Variants in MCM2 observed in about 807,000 individuals in gnomAD.
The protein encoded by MCM2 is DNA replication licensing factor MCM2.
In MCM2, 49 loss-of-function variants were observed where a neutral mutation model predicts 86.4. The observed-to-expected ratio is 0.57, with a 90% CI of 0.45 to 0.72. The LOEUF is 0.72. Ranked by LOEUF, MCM2 falls within the 30% of genes least tolerant of loss-of-function variation. MCM2 has a pLI of 0.00. For missense variants in MCM2, 1,038 were observed against 1,259.9 expected, an observed-to-expected ratio of 0.82 and a Z score of 2.67; for synonymous variants, 475 against 484.6, an observed-to-expected ratio of 0.98 and a Z score of 0.26.
intron 2 of MCM2, 62 bp downstream of exon 2, chr3:127,599,609 G>A (rs768595192): frequency 8.2e-6 from 12 of 1,468,104 alleles, no homozygotes; most frequent in East Asian, 2.3e-5. Flanking sequence ...TTGTGTGCCT[G>A]GTGGCCTGGC....
chr3:127,609,512 C>T (rs12633202), intron 8 of MCM2, among the ~76,000 whole-genome samples: 4,389 of 151,950 alleles, frequency 0.029, 155 homozygotes, highest in East Asian at 0.093. Context: ...GGTCTCACTA[C>T]GTTGTCCAGG....
intron 8 of MCM2, among the ~76,000 whole-genome samples, chr3:127,609,838 T>A (rs1429753876): frequency 5.7e-5 from 1 of 17,520 alleles, no homozygotes; most frequent in African/African-American, 1.4e-4. Flanking sequence ...GTCAACTTCC[T>A]TTTTTTTTTT....
At chr3:127,601,203 C>G (rs867729796) in intron 2 of MCM2, among the ~76,000 whole-genome samples, 2 of 152,166 alleles carry the variant, frequency 1.3e-5, no homozygotes, top group African/African-American at 4.8e-5. Flanking sequence ...TTTCTGTGTT[C>G]TTGCATGTGC....
At position 127,617,910 on chromosome 3, in the gene MCM2, T is replaced by C; in HGVS notation, c.1901-59T>C. 2 of 1,321,562 alleles carry C rather than the reference T, an allele frequency of 1.5e-6. No individual in the cohort carries two copies. Among genetic ancestry groups the C allele is most frequent in the Non-Finnish European group, 2.1e-6 (2 of 930,326 alleles). 81.9% of individuals were successfully genotyped at this position (1,321,562 alleles called of 1,614,324 possible). ...CTTCTGCCATCAGAGCAGCCTGGGG[T>C]CCCTGAGATGGGAGGATAGGGGAAT... On this transcript the variant is annotated intron_variant, in intron 11 of 15. Coordinates refer to ENST00000265056, the MANE Select transcript of MCM2 (RefSeq NM_004526.4). The surrounding 1 kb of genome is among the most constrained non-coding windows in gnomAD (Gnocchi z 4.1).
intron 2 of MCM2, among the ~76,000 whole-genome samples, chr3:127,602,530 A>C (rs982631945): frequency 5.3e-5 from 8 of 152,212 alleles, no homozygotes; most frequent in Non-Finnish European, 1.2e-4. Context: ...GACCATAGGC[A>C]AAAATCACAT....
chr3:127,617,755 C>T lies in MCM2; in HGVS notation c.1901-214C>T, dbSNP rs753806101. The T allele has an allele frequency of 1.7e-5, 10 of 591,504 alleles. No individual in the cohort carries two copies. The highest frequency in any genetic ancestry group is 2.7e-5 in the Non-Finnish European group (9 of 332,610). The allele number at this position is 591,504 out of a possible 1,614,324, so 36.6% of individuals were successfully genotyped here. ...CCCACTGTGTTCTTGGTTTTTCCTCCTGGGGAAGCAGTTATGCTTTCTGTC... is the reference window on the plus strand; with the variant it reads ...CCCACTGTGTTCTTGGTTTTTCCTCTTGGGGAAGCAGTTATGCTTTCTGTC... On this transcript the variant is annotated intron_variant, in intron 11 of 15. Transcript: ENST00000265056. The surrounding 1 kb of genome is among the most constrained non-coding windows in gnomAD (Gnocchi z 4.1).
At chr3:127,607,106 C>T (rs1182765179) in intron 6 of MCM2, among the ~76,000 whole-genome samples, 1 of 152,224 alleles carries the variant, frequency 6.6e-6, no homozygotes, top group Non-Finnish European at 1.5e-5. Context: ...GCAAACAGGG[C>T]CCACTTCTTG....
intron 2 of MCM2, among the ~76,000 whole-genome samples, chr3:127,602,608 A>G (rs1179948725): frequency 2.6e-5 from 4 of 152,156 alleles, no homozygotes. Flanking sequence ...CAGGGAAGAG[A>G]GCACTGCAGG....
intron 13 of MCM2, among the ~76,000 whole-genome samples, chr3:127,620,360 T>C (rs1201032342): frequency 1.3e-5 from 2 of 152,226 alleles, no homozygotes; most frequent in African/African-American, 4.8e-5. Context: ...GCACTTACAT[T>C]GTACAGGATT....
chr3:127,604,320 C>A (rs2074328773), intron 2 of MCM2: 1 of 369,266 alleles, frequency 2.7e-6, no homozygotes, highest in Non-Finnish European at 4.9e-6. Context: ...TCCTTTTGTG[C>A]CTGGCTTCTT....
Position 127,608,969 on chromosome 3 carries a change from T to C in MCM2, c.1374T>C (p.Asp458=). The change falls in exon 8 of 16, where the codon GAT becomes GAC. Residue 458 remains aspartate (D), a synonymous_variant. Transcript: ENST00000265056. The stretch of plus-strand genomic sequence containing the variant: ...AGGTTGCTGTAGGGGAACTGACCGA[T>C]GAAGATGTGAAGATGATCACTAGCC... The part of the protein sequence containing the change: ...DNKVAVGELT[D]EDVKMITSLS... The C allele has an allele frequency of 6.2e-7, 1 of 1,614,040 alleles. No individual in the cohort carries two copies. The highest frequency in any genetic ancestry group is 1.6e-4 in the Middle Eastern group (1 of 6,062).
Position 127,616,021 on chromosome 3 carries a change from G to A in MCM2, c.1522+66G>A, listed in dbSNP as rs1369293588. On this transcript the variant is annotated intron_variant, in intron 9 of 15. Transcript: ENST00000265056. The stretch of plus-strand genomic sequence containing the variant: ...TCTCTTTGGGGAGCCAGCATTCAAA[G>A]AAGGACACAGTGTTTTTAAAGCCTG... 5.5e-6 allele frequency: 7 copies of A among 1,273,104 alleles called. No homozygotes were observed. The East Asian group carries it at 1.6e-4, about 29-fold the overall frequency. 78.9% of individuals were successfully genotyped at this position (1,273,104 alleles called of 1,614,324 possible).
At chr3:127,603,041 C>T (rs1487264204) in intron 2 of MCM2, among the ~76,000 whole-genome samples, 1 of 151,756 alleles carries the variant, frequency 6.6e-6, no homozygotes, top group African/African-American at 2.4e-5. Context: ...GAGACAGAGT[C>T]TCACTCTGTT....
In MCM2 at chr3:127,617,553, A is replaced by AGT; in HGVS notation, c.1900+150_1900+151dup. Reference sequence around the variant, plus strand: ...TCCCCTCTTCTGCATATCCTGCCAGAGTGGGGAACAGTGAAAGTGGGACCT... The same window carrying AGT: ...TCCCCTCTTCTGCATATCCTGCCAGAGTGTGGGGAACAGTGAAAGTGGGACCT... On this transcript the variant is annotated intron_variant, in intron 11 of 15. Transcript: ENST00000265056. This position sits in a 1 kb window ranked among gnomAD's most constrained non-coding sequence, Gnocchi z 4.1. The AGT allele has an allele frequency of 9.9e-7, 1 of 1,010,300 alleles. No individual in the cohort carries two copies. The highest frequency in any genetic ancestry group is 1.4e-6 in the Non-Finnish European group (1 of 711,408). The allele number at this position is 1,010,300 out of a possible 1,614,324, so 62.6% of individuals were successfully genotyped here.
At chr3:127,613,884 C>T (rs1177991292) in intron 8 of MCM2, among the ~76,000 whole-genome samples, 1 of 152,176 alleles carries the variant, frequency 6.6e-6, no homozygotes, top group East Asian at 1.9e-4. Context: ...GCCATGTCAT[C>T]CCATGGCAAA....
chr3:127,605,221 T>C, intron 4 of MCM2, 65 bp downstream of exon 4: 1 of 1,573,408 alleles, frequency 6.4e-7, no homozygotes. Context: ...CCCAGAAAGT[T>C]GTCTGAGCCG....
At chr3:127,608,172 C>G (rs919620088) in intron 6 of MCM2, among the ~76,000 whole-genome samples, 3 of 152,150 alleles carry the variant, frequency 2.0e-5, no homozygotes, top group African/African-American at 4.8e-5. Context: ...CTGAGTCTGG[C>G]CGTCAGAAGG....
rs1263023076 is a variant in MCM2 at position 127,618,131 on chromosome 3, A to G, written c.2013+50A>G. On this transcript the variant is annotated intron_variant, in intron 12 of 15. Coordinates refer to ENST00000265056, the MANE Select transcript of MCM2 (RefSeq NM_004526.4). This position sits in a 1 kb window ranked among gnomAD's most constrained non-coding sequence, Gnocchi z 4.0. ...CCATGAACTGTGGTTTGGGGACCTC[A>G]GGTGAGGCTTGGGGTCATACAGTGT... 2 of 1,484,276 alleles carry G rather than the reference A, an allele frequency of 1.3e-6. No homozygotes were observed. Among genetic ancestry groups the G allele is most frequent in the Admixed American group, 1.7e-5 (1 of 57,510 alleles). The allele number at this position is 1,484,276 out of a possible 1,614,324, so 91.9% of individuals were successfully genotyped here. A position where few individuals can be genotyped will look rare whatever the true frequency, so the allele number is the denominator to read the frequency against.
intron 1 of MCM2, chr3:127,598,941 A>G (rs75031464): frequency 5.1e-5 from 18 of 349,814 alleles, no homozygotes; most frequent in African/African-American, 3.6e-4. Flanking sequence ...TGCCATCTCT[A>G]TCACAATACC....
Sources: allele counts gnomAD v4.1 joint callset (sites outside exome capture counted in the v4.1 genomes callset), GRCh38; gene constraint gnomAD v4.1.1; non-coding constraint Gnocchi (gnomAD v3.1); transcripts MANE v1.5; gene names NCBI Gene and HGNC (gene_info 2026-07-23, HGNC 2026-07-21).